Variants in RAB10 observed in about 807,000 individuals in gnomAD.
The protein encoded by RAB10 is ras-related protein Rab-10.
RAB10 carries 5 observed loss-of-function variants against 25.7 expected under a neutral mutation model. The ratio of observed to expected loss-of-function variants is 0.19; its 90% CI spans 0.10 to 0.41. The LOEUF (loss-of-function observed/expected upper bound fraction) is 0.41, where lower values mean the gene tolerates loss of function less well. RAB10 is among the 10% of genes least tolerant of loss of function. The pLI, the probability that RAB10 is intolerant of heterozygous loss-of-function variation, is 1.00. For missense variants in RAB10, 103 were observed against 245.8 expected, an observed-to-expected ratio of 0.42 and a Z score of 3.89; for synonymous variants, 89 against 86.4, an observed-to-expected ratio of 1.03 and a Z score of -0.16.
At position 26,089,953 on chromosome 2, in the gene RAB10, CTCT is replaced by C. The variant is rs961559235; in HGVS notation, c.128-8704_128-8702del. ...ATTTGCCTAGATTTCAAGGCACTGT[CTCT>C]TCTTTATCTCATGTAGAATTGTCAG... On this transcript the variant is annotated intron_variant, in intron 1 of 5. Coordinates refer to ENST00000264710, the MANE Select transcript of RAB10 (RefSeq NM_016131.5). 1.2e-4 allele frequency among the ~76,000 whole-genome samples: 18 copies of C among 152,212 alleles called. No individual in the cohort carries two copies. In the South Asian group the frequency reaches 2.5e-3, roughly 21 times the overall value.
chr2:26,061,660 T>C (rs912962763), intron 1 of RAB10, among the ~76,000 whole-genome samples: 1 of 151,564 alleles, frequency 6.6e-6, no homozygotes, highest in Non-Finnish European at 1.5e-5. Flanking sequence ...CAAAGGGCGG[T>C]AATTATAGGT....
chr2:26,105,916 C>T (rs1357284735), intron 2 of RAB10, among the ~76,000 whole-genome samples: 3 of 152,192 alleles, frequency 2.0e-5, no homozygotes, highest in East Asian at 1.9e-4. Context: ...ATGCTATATA[C>T]CACATAGTGC....
At chr2:26,074,600 G>T (rs919413355) in intron 1 of RAB10, among the ~76,000 whole-genome samples, 28 of 152,090 alleles carry the variant, frequency 1.8e-4, no homozygotes, top group Admixed American at 1.2e-3. Flanking sequence ...TGTATTTTTG[G>T]TAGAGATGGG....
intron 1 of RAB10, among the ~76,000 whole-genome samples, chr2:26,086,600 C>T (rs1559589116): frequency 6.6e-6 from 1 of 152,078 alleles, no homozygotes; most frequent in Non-Finnish European, 1.5e-5. Flanking sequence ...GTTGTGTATG[C>T]CCAAAAGAAT....
At chr2:26,131,751 C>T (rs998523484) in intron 5 of RAB10, among the ~76,000 whole-genome samples, 1 of 152,038 alleles carries the variant, frequency 6.6e-6, no homozygotes, top group Admixed American at 6.6e-5. Flanking sequence ...TCCCACCCCA[C>T]CCCCACAACC....
intron 1 of RAB10, among the ~76,000 whole-genome samples, chr2:26,083,468 T>A (rs920512489): frequency 6.9e-6 from 1 of 144,886 alleles, no homozygotes; most frequent in Non-Finnish European, 1.5e-5. Flanking sequence ...CTTTCTCCTT[T>A]CCTTCCCTGT....
At chr2:26,042,433 C>G (rs775838252) in intron 1 of RAB10, among the ~76,000 whole-genome samples, 7 of 151,840 alleles carry the variant, frequency 4.6e-5, no homozygotes, top group Non-Finnish European at 8.8e-5. Context: ...CTCAGGAGTT[C>G]GAGACCAGCC....
intron 5 of RAB10, among the ~76,000 whole-genome samples, chr2:26,128,365 AC>A (rs1667944276): frequency 6.6e-6 from 1 of 152,174 alleles, no homozygotes; most frequent in Admixed American, 6.5e-5. Context: ...TTAACAGGCC[AC>A]GGACCGGTAA....
intron 5 of RAB10, among the ~76,000 whole-genome samples, chr2:26,134,377 A>G (rs1668067202): frequency 6.6e-6 from 1 of 152,180 alleles, no homozygotes; most frequent in African/African-American, 2.4e-5. Flanking sequence ...TTGGCCTCTG[A>G]AAGTGCTGGG....
At chr2:26,057,134 G>A (rs1666283452) in intron 1 of RAB10, among the ~76,000 whole-genome samples, 1 of 152,216 alleles carries the variant, frequency 6.6e-6, no homozygotes, top group African/African-American at 2.4e-5. Context: ...ACATGTGCTT[G>A]TAGGATATCT....
In RAB10 at chr2:26,135,169, T is replaced by C. The variant is rs1340964872; in HGVS notation, c.*148T>C. 7.1e-6 allele frequency: 4 copies of C among 561,536 alleles called. No homozygotes were observed. The highest frequency in any genetic ancestry group is 1.2e-5 in the Non-Finnish European group (4 of 333,130). 34.8% of individuals were successfully genotyped at this position (561,536 alleles called of 1,614,324 possible). A position where few individuals can be genotyped will look rare whatever the true frequency, so the allele number is the denominator to read the frequency against. ...GCCACCTATTTTATTTGTTCTTTCA[T>C]CTGTGACTGCTTGCTGACTTTATCA... On this transcript the variant is annotated 3_prime_UTR_variant, in exon 6 of 6. Coordinates refer to ENST00000264710, the MANE Select transcript of RAB10 (RefSeq NM_016131.5).
Position 26,109,783 on chromosome 2 carries a change from G to T in RAB10, c.204G>T (p.Gln68His). The change falls in exon 3 of 6, where the codon CAG becomes CAT. Residue 68 changes from glutamine (Q) to histidine (H), a missense_variant. Gln to His is a conservative substitution (Grantham distance 24). Around this residue, in one of 2 missense-constraint regions of RAB10, gnomAD observed 79 missense variants for 217.8 expected, o/e 0.36. Transcript: ENST00000264710. ...TTTATTTCAGGGATACAGCAGGCCA[G>T]GAGCGATTTCACACCATCACAACCT... Reference protein sequence around the residue: ...IKLQIWDTAGQERFHTITTSY... With the variant: ...IKLQIWDTAGHERFHTITTSY... 6.2e-7 allele frequency: 1 copy of T among 1,601,634 alleles called. No homozygotes were observed. The highest frequency in any genetic ancestry group is 8.5e-7 in the Non-Finnish European group (1 of 1,175,090).
rs1195445440 is a variant in RAB10, at chr2:26,034,120, G to A, written c.-489G>A. 9.9e-6 allele frequency: 4 copies of A among 403,452 alleles called. No individual in the cohort carries two copies. The Admixed American group carries it at 1.3e-4, about 13-fold the overall frequency. 25.0% of individuals were successfully genotyped at this position (403,452 alleles called of 1,614,324 possible). ...CGCGCACGCCGGCGTGAGAGGGCAC[G>A]GGGAAAAGGTGGCTCTGGCCGGGGT... On this transcript the variant is annotated 5_prime_UTR_variant, in exon 1 of 6. Transcript: ENST00000264710.
chr2:26,108,552 A>T (rs946703527), intron 2 of RAB10, among the ~76,000 whole-genome samples: 2 of 152,214 alleles, frequency 1.3e-5, no homozygotes, highest in African/African-American at 4.8e-5. Flanking sequence ...GTAGTTACAC[A>T]AATCTGTACA....
intron 3 of RAB10, among the ~76,000 whole-genome samples, chr2:26,119,935 C>T (rs1048274286): frequency 3.9e-5 from 6 of 152,040 alleles, no homozygotes; most frequent in African/African-American, 9.7e-5. Flanking sequence ...TGTGAGTTGG[C>T]GTGGAGGTGT....
chr2:26,096,047 T>C (rs1208993452), intron 1 of RAB10, among the ~76,000 whole-genome samples: 5 of 152,232 alleles, frequency 3.3e-5, no homozygotes, highest in Non-Finnish European at 1.5e-5. Flanking sequence ...GCAATTTCTC[T>C]TGGAGAAATT....
chr2:26,108,806 T>G (rs1667514851), intron 2 of RAB10, among the ~76,000 whole-genome samples: 4 of 152,142 alleles, frequency 2.6e-5, no homozygotes. Context: ...ATAAAAGTTT[T>G]AAAAATATTA....
At chr2:26,055,228 A>G (rs1666233105) in intron 1 of RAB10, among the ~76,000 whole-genome samples, 1 of 152,166 alleles carries the variant, frequency 6.6e-6, no homozygotes, top group Non-Finnish European at 1.5e-5. Flanking sequence ...AAATCCAACT[A>G]CTTTCTTATC....
chr2:26,131,596 A>G (rs1668014088), intron 5 of RAB10, among the ~76,000 whole-genome samples: 2 of 151,554 alleles, frequency 1.3e-5, no homozygotes, highest in African/African-American at 4.8e-5. Flanking sequence ...TAAAAGGAGA[A>G]AAAAAAAGGA....
Sources: gnomAD v4.1 joint callset for allele counts (sites outside exome capture counted in the v4.1 genomes callset) on GRCh38, gnomAD v4.1.1 for gene constraint, gnomAD v4.1.1 regional missense constraint, MANE v1.5 for transcripts, NCBI Gene and HGNC (gene_info 2026-07-23, HGNC 2026-07-21) for gene names.